The following RNF144A variants were observed in gnomAD, a reference collection of about 807,000 sequenced individuals.
The protein encoded by RNF144A is E3 ubiquitin-protein ligase RNF144A.
In RNF144A, 11 loss-of-function variants were observed where a neutral mutation model predicts 38.7. The ratio of observed to expected loss-of-function variants is 0.28; its 90% CI spans 0.18 to 0.47. RNF144A has a LOEUF of 0.47. Among genes scored for constraint, RNF144A ranks in the 20% least tolerant of loss-of-function variants. RNF144A has a pLI of 0.99. For missense variants in RNF144A, 316 were observed against 377.2 expected (o/e 0.84, Z 1.34); for synonymous variants, 149 against 143.9 (o/e 1.04, Z -0.25).
intron 6 of RNF144A, among the ~76,000 whole-genome samples, chr2:7,052,729 A>G (rs2103474253): frequency 6.6e-6 from 1 of 152,132 alleles, no homozygotes; most frequent in South Asian, 2.1e-4. Flanking sequence ...TTTCTGTTGT[A>G]ACATGGGGTG....
intron 1 of RNF144A, among the ~76,000 whole-genome samples, chr2:6,922,560 A>C (rs1437191643): frequency 6.6e-6 from 1 of 151,726 alleles, no homozygotes. Context: ...GGAGTGCAGA[A>C]TGCAGCAAGC....
At chr2:6,985,371 G>A (rs1051446034) in intron 2 of RNF144A, among the ~76,000 whole-genome samples, 1 of 150,930 alleles carries the variant, frequency 6.6e-6, no homozygotes, top group African/African-American at 2.4e-5. Context: ...GTGCTCCCTT[G>A]GTGGCCATTC....
chr2:7,043,009 A>G lies in RNF144A; in HGVS notation c.*3249A>G. 1 of 471,142 alleles carries G rather than the reference A, an allele frequency of 2.1e-6. No homozygotes were observed. The highest frequency in any genetic ancestry group is 2.8e-6 in the Non-Finnish European group (1 of 360,594). 29.2% of individuals were successfully genotyped at this position (471,142 alleles called of 1,614,324 possible). ...CAGCCTCCCAAGTAGCTGGGATTAC[A>G]GGCACCCACCACCTCACCCAGCTAA... On this transcript the variant is annotated 3_prime_UTR_variant, in exon 9 of 9. Transcript: ENST00000320892.
At chr2:7,035,244 C>T (rs879367733) in intron 8 of RNF144A, among the ~76,000 whole-genome samples, 7 of 152,198 alleles carry the variant, frequency 4.6e-5, no homozygotes, top group Non-Finnish European at 8.8e-5. Context: ...CCTGCTTCTC[C>T]CGTTACGTGT....
At chr2:6,983,801 A>G (rs1346472287) in intron 2 of RNF144A, among the ~76,000 whole-genome samples, 1 of 152,138 alleles carries the variant, frequency 6.6e-6, no homozygotes. Flanking sequence ...TGGCATCACC[A>G]CAGATGTGCT....
intron 3 of RNF144A, among the ~76,000 whole-genome samples, chr2:7,013,348 A>G (rs1670935167): frequency 6.6e-6 from 1 of 152,256 alleles, no homozygotes; most frequent in Admixed American, 6.5e-5. Flanking sequence ...ATTTAGACCC[A>G]TTCATTAGTA....
In RNF144A at chr2:6,981,219, G is replaced by A. The variant is rs181074007; in HGVS notation, c.-11-15697G>A. Among the ~76,000 whole-genome samples, 106 of 152,226 alleles carry A rather than the reference G, an allele frequency of 7.0e-4. 1 individual carries two copies. The highest frequency in any genetic ancestry group is 2.5e-3 in the East Asian group (13 of 5,188). On this transcript the variant is annotated intron_variant, in intron 2 of 8. Coordinates refer to ENST00000320892, the MANE Select transcript of RNF144A (RefSeq NM_014746.6). ...CCCATTGTCTTACTGATTAACATTCGGCTTCTTGTTATTTATGCAAATTTC... is the reference window on the plus strand; with the variant it reads ...CCCATTGTCTTACTGATTAACATTCAGCTTCTTGTTATTTATGCAAATTTC...
At chr2:6,981,226 T>C (rs1668615010) in intron 2 of RNF144A, among the ~76,000 whole-genome samples, 1 of 152,252 alleles carries the variant, frequency 6.6e-6, no homozygotes, top group Non-Finnish European at 1.5e-5. Flanking sequence ...TTCGGCTTCT[T>C]GTTATTTATG....
rs1666237964 is a variant in RNF144A at position 6,944,905 on chromosome 2, G to C, written c.-12+3758G>C. ...CGAGCAAAGATTTTTTAAATGTTTA[G>C]AATTTATAAAGAGAGGTGGTTTTCA... On this transcript the variant is annotated intron_variant, in intron 2 of 8. Coordinates refer to ENST00000320892, the MANE Select transcript of RNF144A (RefSeq NM_014746.6). The surrounding 1 kb of genome is among the most constrained non-coding windows in gnomAD (Gnocchi z 4.7). Among the ~76,000 whole-genome samples, 1 of 152,224 alleles carries C rather than the reference G, an allele frequency of 6.6e-6. No individual in the cohort carries two copies. The highest frequency in any genetic ancestry group is 1.5e-5 in the Non-Finnish European group (1 of 68,028).
intron 7 of RNF144A, among the ~76,000 whole-genome samples, chr2:7,025,062 C>T (rs923537900): frequency 9.2e-5 from 14 of 152,188 alleles, no homozygotes; most frequent in African/African-American, 2.2e-4. Flanking sequence ...ATCTACAGGG[C>T]GGGAAAACGT....
At chr2:7,044,654 C>T (rs1475385533), downstream of RNF144A, among the ~76,000 whole-genome samples, 1 of 152,212 alleles carries the variant, frequency 6.6e-6, no homozygotes, top group African/African-American at 2.4e-5. Context: ...GGATCCTTCT[C>T]ATTTCGTAGG....
At chr2:6,929,073 G>A (rs1436683814) in intron 1 of RNF144A, among the ~76,000 whole-genome samples, 3 of 152,076 alleles carry the variant, frequency 2.0e-5, no homozygotes, top group African/African-American at 7.2e-5. Context: ...TTGGAAACAA[G>A]TATTAGCTCT....
intron 3 of RNF144A, among the ~76,000 whole-genome samples, chr2:7,001,404 C>G (rs1307730156): frequency 6.6e-6 from 1 of 152,262 alleles, no homozygotes; most frequent in East Asian, 1.9e-4. Context: ...TGCCCAGGCA[C>G]AGTGTCTCCT....
At chr2:6,934,922 G>A (rs1206952837) in intron 1 of RNF144A, among the ~76,000 whole-genome samples, 5 of 152,066 alleles carry the variant, frequency 3.3e-5, no homozygotes, top group African/African-American at 1.2e-4. Context: ...GCATATCACC[G>A]CCAAGTTCAG....
chr2:7,044,277 A>T, downstream of RNF144A: 1 of 825,668 alleles, frequency 1.2e-6, no homozygotes, highest in Non-Finnish European at 1.5e-6. Flanking sequence ...TCTATTGAAG[A>T]TTGAAAATAT....
intron 7 of RNF144A, among the ~76,000 whole-genome samples, chr2:7,028,311 G>C (rs1249077143): frequency 6.6e-6 from 1 of 152,332 alleles, no homozygotes; most frequent in East Asian, 1.9e-4. Flanking sequence ...GTGAGGCCCA[G>C]ACGACGGCCC....
chr2:7,015,897 A>T (rs915711786), intron 5 of RNF144A, among the ~76,000 whole-genome samples: 11 of 152,124 alleles, frequency 7.2e-5, no homozygotes, highest in African/African-American at 2.7e-4. Flanking sequence ...ACATGAAAAC[A>T]TGGCCGGATG....
In RNF144A at chr2:7,028,961, G is replaced by T. The variant is rs545270417; in HGVS notation, c.658-1165G>T. Among the ~76,000 whole-genome samples the T allele has an allele frequency of 2.0e-5, 3 of 152,266 alleles. No individual in the cohort carries two copies. In the South Asian group the frequency reaches 6.2e-4, roughly 32 times the overall value. ...TCACTGTGCATTCAGACACCAGGAG[G>T]CTTGACCCCAAAAATCAGGAAACTC... On this transcript the variant is annotated intron_variant, in intron 7 of 8. Coordinates refer to ENST00000320892, the MANE Select transcript of RNF144A (RefSeq NM_014746.6).
intron 8 of RNF144A, 123 bp from the exon 9 acceptor site, chr2:7,039,502 GGATA>G: frequency 1.4e-6 from 2 of 1,475,258 alleles, no homozygotes; most frequent in Non-Finnish European, 9.1e-7. Context: ...ATGGATGGAT[GGATA>G]GATGGATGGT....
Sources: gnomAD v4.1 joint callset for allele counts (sites outside exome capture counted in the v4.1 genomes callset) on GRCh38, gnomAD v4.1.1 for gene constraint, Gnocchi (gnomAD v3.1) non-coding constraint, MANE v1.5 for transcripts, NCBI Gene and HGNC (gene_info 2026-07-23, HGNC 2026-07-21) for gene names.